The following SRP72 variants were observed in gnomAD, a reference collection of about 807,000 sequenced individuals.
The protein encoded by SRP72 is signal recognition particle subunit SRP72.
A neutral mutation model predicts 96.3 loss-of-function variants in SRP72; 49 were observed. The observed-to-expected ratio is 0.51, with a 90% CI of 0.40 to 0.65. The LOEUF (loss-of-function observed/expected upper bound fraction) is 0.65. Ranked by LOEUF, SRP72 falls within the 30% of genes least tolerant of loss-of-function variation. The pLI, the probability that SRP72 is intolerant of heterozygous loss-of-function variation, is 0.00. For missense variants in SRP72, 736 were observed against 793.3 expected (o/e 0.93, Z 0.87); for synonymous variants, 267 against 275.2 (o/e 0.97, Z 0.30).
intron 17 of SRP72, among the ~76,000 whole-genome samples, chr4:56,500,217 G>C (rs1043591154): frequency 6.6e-6 from 1 of 152,060 alleles, no homozygotes; most frequent in Non-Finnish European, 1.5e-5. Flanking sequence ...CTGTCGGGGG[G>C]CGGTGGGAGG....
intron 3 of SRP72, among the ~76,000 whole-genome samples, chr4:56,473,205 C>G (rs1258336736): frequency 6.6e-6 from 1 of 152,008 alleles, no homozygotes; most frequent in Non-Finnish European, 1.5e-5. Context: ...AAGAAAATCA[C>G]TTTTCGCACT....
At chr4:56,468,175 G>T (rs1036965617) in intron 1 of SRP72, among the ~76,000 whole-genome samples, 5 of 152,188 alleles carry the variant, frequency 3.3e-5, no homozygotes, top group Non-Finnish European at 5.9e-5. Flanking sequence ...GCCGCTAAAG[G>T]GGGAGGAACC....
At chr4:56,487,230 G>A (rs1052013985) in intron 11 of SRP72, among the ~76,000 whole-genome samples, 1 of 152,096 alleles carries the variant, frequency 6.6e-6, no homozygotes, top group Non-Finnish European at 1.5e-5. Flanking sequence ...GTTGAAGGAG[G>A]GGAGTTGGCA....
At chr4:56,467,887 G>A (rs1344940278) in intron 1 of SRP72, 143 bp downstream of exon 1, 4 of 843,376 alleles carry the variant, frequency 4.7e-6, no homozygotes, top group Non-Finnish European at 5.1e-6. Flanking sequence ...CCCGGCTCGG[G>A]CCCTAGCGCC....
In SRP72 at chr4:56,483,219, A is replaced by G; in HGVS notation, c.906A>G (p.Gln302=). The G allele has an allele frequency of 6.2e-7, 1 of 1,612,632 alleles. No individual in the cohort carries two copies. The highest frequency in any genetic ancestry group is 1.1e-5 in the South Asian group (1 of 90,984). Residue 302 remains glutamine (Q), a synonymous_variant, in exon 9 of 19, where the codon CAA becomes CAG. Coordinates refer to ENST00000642900, the MANE Select transcript of SRP72 (RefSeq NM_006947.4). ...EGVEFKLSKK[Q]LQAIEFNKAL... ...TAGAGTTTAAGCTTTCCAAGAAACAACTACAAGCTATAGAATTTAACAAAG... is the reference window on the plus strand; with the variant it reads ...TAGAGTTTAAGCTTTCCAAGAAACAGCTACAAGCTATAGAATTTAACAAAG...
At chr4:56,489,076 A>C (rs546755340) in intron 12 of SRP72, 4 of 208,590 alleles carry the variant, frequency 1.9e-5, no homozygotes, top group East Asian at 1.0e-4. Context: ...AATGTCCAGC[A>C]GTGTCTTATT....
chr4:56,491,680 C>A, intron 16 of SRP72, 112 bp downstream of exon 16: 1 of 1,111,682 alleles, frequency 9.0e-7, no homozygotes, highest in Non-Finnish European at 1.3e-6. Context: ...CTCTTTGTTC[C>A]TTTTCCATTT....
chr4:56,483,308 G>A (rs1458014695), intron 9 of SRP72, 38 bp downstream of exon 9: 3 of 1,593,898 alleles, frequency 1.9e-6, no homozygotes, highest in Non-Finnish European at 2.6e-6. Context: ...TAAACCTTTT[G>A]TAATATGGTA....
At chr4:56,492,720 A>G (rs1720950437) in intron 16 of SRP72, among the ~76,000 whole-genome samples, 1 of 152,212 alleles carries the variant, frequency 6.6e-6, no homozygotes, top group Non-Finnish European at 1.5e-5. Context: ...TCCGAATTCC[A>G]TTTCATCTTA....
intron 6 of SRP72, among the ~76,000 whole-genome samples, 190 bp from the exon 7 acceptor site, chr4:56,478,189 A>T (rs570287822): frequency 3.4e-5 from 5 of 147,848 alleles, no homozygotes; most frequent in African/African-American, 1.2e-4. Context: ...ACTTCTTAGA[A>T]GTTGAAGTCT....
In SRP72 at chr4:56,486,404, T is replaced by C. The variant is rs1383531188; in HGVS notation, c.1159+7T>C. On this transcript the variant is annotated splice_region_variant and intron_variant, in intron 11 of 18. Coordinates refer to ENST00000642900, the MANE Select transcript of SRP72 (RefSeq NM_006947.4). ...CAGTTGAAAATTTCTCAAGGTATTA[T>C]GGTTTTCATCATGATTAAAATATTT... 2 of 1,586,934 alleles carry C rather than the reference T, an allele frequency of 1.3e-6. No homozygotes were observed. The highest frequency in any genetic ancestry group is 4.5e-5 in the East Asian group (2 of 44,310).
chr4:56,498,429 A>G (rs1332350919), intron 17 of SRP72, among the ~76,000 whole-genome samples: 1 of 152,202 alleles, frequency 6.6e-6, no homozygotes, highest in African/African-American at 2.4e-5. Flanking sequence ...GGCCAGGGCA[A>G]TCAGGCAAGA....
chr4:56,500,274 G>GT (rs1721216922), intron 17 of SRP72, among the ~76,000 whole-genome samples: 1 of 152,016 alleles, frequency 6.6e-6, no homozygotes, highest in African/African-American at 2.4e-5. Flanking sequence ...TAGATGACGG[G>GT]TTGATGGGTG....
intron 16 of SRP72, among the ~76,000 whole-genome samples, chr4:56,493,849 G>A (rs1578195566): frequency 1.3e-5 from 2 of 152,100 alleles, no homozygotes; most frequent in South Asian, 2.1e-4. Context: ...CTGGGTGACC[G>A]AATGAGACTC....
intron 1 of SRP72, 28 bp downstream of exon 1, chr4:56,467,772 GGCCC>G: frequency 2.1e-6 from 3 of 1,427,358 alleles, no homozygotes; most frequent in Non-Finnish European, 2.8e-6. Context: ...CACTGGGGCG[GGCCC>G]AGGCCGGCTG....
chr4:56,502,694 C>T lies in SRP72; in HGVS notation c.*833C>T, dbSNP rs1721308471. Reference sequence around the variant, plus strand: ...CTGTCTCAATCAGAAAGATTAATGACTGTTATCAAGAACATGAACATTGGC... The same window carrying T: ...CTGTCTCAATCAGAAAGATTAATGATTGTTATCAAGAACATGAACATTGGC... On this transcript the variant is annotated 3_prime_UTR_variant, in exon 19 of 19. Coordinates refer to ENST00000642900, the MANE Select transcript of SRP72 (RefSeq NM_006947.4). 6.6e-6 allele frequency: 1 copy of T among 151,834 alleles called. No homozygotes were observed. Among genetic ancestry groups the T allele is most frequent in the Non-Finnish European group, 1.5e-5 (1 of 67,976 alleles). 9.4% of individuals were successfully genotyped at this position (151,834 alleles called of 1,614,324 possible). A position where few individuals can be genotyped will look rare whatever the true frequency, so the allele number is the denominator to read the frequency against.
At chr4:56,471,956 C>T in intron 3 of SRP72, 113 bp downstream of exon 3, 1 of 1,262,084 alleles carries the variant, frequency 7.9e-7, no homozygotes, top group Non-Finnish European at 1.1e-6. Context: ...ACAAAACTGA[C>T]CACCAAACCA....
chr4:56,479,519 CT>C (rs750135655), intron 8 of SRP72, among the ~76,000 whole-genome samples: 247 of 137,994 alleles, frequency 1.8e-3, no homozygotes, highest in South Asian at 4.6e-3. Flanking sequence ...TTCTTTCTTT[CT>C]TTTTTTTTTT....
In SRP72 at chr4:56,485,491, C is replaced by T. The variant is rs550029443; in HGVS notation, c.1086+627C>T. On this transcript the variant is annotated intron_variant, in intron 10 of 18. Transcript: ENST00000642900. The stretch of plus-strand genomic sequence containing the variant: ...GTTTTGCATCCAAGAATTCAACCAG[C>T]CATGGATTAAAAACATTTTGTGGGG... Among the ~76,000 whole-genome samples the T allele has an allele frequency of 3.3e-5, 5 of 151,982 alleles. No individual in the cohort carries two copies. The South Asian group carries it at 1.0e-3, about 32-fold the overall frequency.
Sources: allele counts gnomAD v4.1 joint callset (sites outside exome capture counted in the v4.1 genomes callset), GRCh38; gene constraint gnomAD v4.1.1; transcripts MANE v1.5; gene names NCBI Gene and HGNC (gene_info 2026-07-23, HGNC 2026-07-21).